The following CEPT1 variants were observed in gnomAD, a reference collection of about 807,000 sequenced individuals.
CEPT1 encodes choline/ethanolaminephosphotransferase 1.
Under a neutral mutation model 42.6 loss-of-function variants are expected in CEPT1, and 7 were observed. That is an observed-to-expected ratio of 0.16 (90% CI 0.09 to 0.31). The LOEUF is 0.31. Among genes scored for constraint, CEPT1 ranks in the 10% least tolerant of loss-of-function variants. The probability of loss-of-function intolerance (pLI) is 1.00; values close to 1 mark genes in which losing one functional copy is unlikely to be tolerated. For missense variants in CEPT1, 306 were observed against 502.1 expected (o/e 0.61, Z 3.73); for synonymous variants, 171 against 171.9 (o/e 0.99, Z 0.04).
At position 111,184,520 on chromosome 1, in the gene CEPT1, G is replaced by T; in HGVS notation, c.*210G>T. 2.5e-6 allele frequency: 1 copy of T among 398,296 alleles called. No homozygotes were observed. The highest frequency in any genetic ancestry group is 4.5e-6 in the Non-Finnish European group (1 of 223,382). The allele number at this position is 398,296 out of a possible 1,614,324, so 24.7% of individuals were successfully genotyped here. A position where few individuals can be genotyped will look rare whatever the true frequency, so the allele number is the denominator to read the frequency against. On this transcript the variant is annotated 3_prime_UTR_variant, in exon 9 of 9. Coordinates refer to ENST00000357172, the MANE Select transcript of CEPT1 (RefSeq NM_006090.5). Reference sequence around the variant, plus strand: ...TGTAAATTGTATATGTTGTCATGCAGGGTTTGGGCCAAGAAAGCATGCAGA... The same window carrying T: ...TGTAAATTGTATATGTTGTCATGCATGGTTTGGGCCAAGAAAGCATGCAGA...
chr1:111,167,796 A>G (rs998369395), intron 4 of CEPT1: 3 of 899,260 alleles, frequency 3.3e-6, no homozygotes, highest in Admixed American at 6.2e-5. Flanking sequence ...TCATGTTACT[A>G]TAGTCATTCT....
rs550834212 is a variant in CEPT1, at chr1:111,159,833, G to C, written c.487+306G>C. On this transcript the variant is annotated intron_variant, in intron 3 of 8. Transcript: ENST00000357172. ...ACTAAATGAGAGTACAGTGGTGGGA[G>C]ACTAGTTAGGTAATTTGTGGTCTTC... 4 of 195,414 alleles carry C rather than the reference G, an allele frequency of 2.0e-5. No homozygotes were observed. The South Asian group carries it at 4.1e-4, about 20-fold the overall frequency. 12.1% of individuals were successfully genotyped at this position (195,414 alleles called of 1,614,324 possible). A position where few individuals can be genotyped will look rare whatever the true frequency, so the allele number is the denominator to read the frequency against.
At position 111,146,670 on chromosome 1, in the gene CEPT1, T is replaced by A. The variant is rs189300086; in HGVS notation, c.-73-972T>A. Reference sequence around the variant, plus strand: ...TTCTGATTCATCTTGAAAATACTCTTGTATTTCCTCATGCTACTTGATTAC... The same window carrying A: ...TTCTGATTCATCTTGAAAATACTCTAGTATTTCCTCATGCTACTTGATTAC... On this transcript the variant is annotated intron_variant, in intron 1 of 8. Coordinates refer to ENST00000357172, the MANE Select transcript of CEPT1 (RefSeq NM_006090.5). Among the ~76,000 whole-genome samples, 257 of 152,338 alleles carry A rather than the reference T, an allele frequency of 1.7e-3. 2 individuals carry two copies. The highest frequency in any genetic ancestry group is 0.01 in the Middle Eastern group (3 of 294).
intron 5 of CEPT1, among the ~76,000 whole-genome samples, chr1:111,176,714 A>G (rs1656693214): frequency 1.3e-5 from 2 of 152,220 alleles, no homozygotes. Flanking sequence ...TTATTTTCAT[A>G]TACACCTTAT....
intron 5 of CEPT1, among the ~76,000 whole-genome samples, chr1:111,177,807 C>A (rs1381727289): frequency 6.6e-6 from 1 of 151,692 alleles, no homozygotes; most frequent in Non-Finnish European, 1.5e-5. Flanking sequence ...AATCTAATTT[C>A]AGGATTCATG....
intron 2 of CEPT1, among the ~76,000 whole-genome samples, chr1:111,153,739 C>T (rs944791935): frequency 1.3e-5 from 2 of 152,118 alleles, no homozygotes; most frequent in African/African-American, 4.8e-5. Flanking sequence ...ACTCTATGTT[C>T]CTGGCATCTT....
At position 111,170,433 on chromosome 1, in the gene CEPT1, GCTGT is replaced by G. The variant is rs796481647; in HGVS notation, c.630-4441_630-4438del. Reference sequence around the variant, plus strand: ...TTAATTTCAAAAATAGACTTGTCTTGCTGTCTGTTTTCCCAATTTATAACACTTG... The same window carrying G: ...TTAATTTCAAAAATAGACTTGTCTTGCTGTTTTCCCAATTTATAACACTTG... On this transcript the variant is annotated intron_variant, in intron 4 of 8. Transcript: ENST00000357172. Among the ~76,000 whole-genome samples the G allele has an allele frequency of 7.2e-5, 11 of 152,214 alleles. No individual in the cohort carries two copies. In the East Asian group the frequency reaches 1.2e-3, roughly 16 times the overall value.
intron 1 of CEPT1, among the ~76,000 whole-genome samples, 183 bp from the exon 2 acceptor site, chr1:111,147,459 A>G (rs1272112943): frequency 6.6e-6 from 1 of 152,162 alleles, no homozygotes; most frequent in African/African-American, 2.4e-5. Flanking sequence ...CTTAAAGTTG[A>G]GGTTATACAC....
chr1:111,161,787 A>G (rs1399560638), intron 4 of CEPT1, among the ~76,000 whole-genome samples: 1 of 152,180 alleles, frequency 6.6e-6, no homozygotes, highest in Non-Finnish European at 1.5e-5. Context: ...TTCACTTTCA[A>G]TACCTATTTT....
chr1:111,184,101 CTG>C, intron 8 of CEPT1, 88 bp from the exon 9 acceptor site: 1 of 1,269,960 alleles, frequency 7.9e-7, no homozygotes, highest in Non-Finnish European at 1.1e-6. Context: ...GAAGGTGAAT[CTG>C]TAGAGAGAAC....
intron 5 of CEPT1, chr1:111,178,184 A>G (rs760893557): frequency 5.9e-5 from 9 of 152,212 alleles, no homozygotes; most frequent in Non-Finnish European, 1.3e-4. Context: ...TATGAAATTT[A>G]CATCTCTTCT....
intron 5 of CEPT1, among the ~76,000 whole-genome samples, chr1:111,176,716 A>G (rs325885): frequency 6.6e-6 from 1 of 152,194 alleles, no homozygotes; most frequent in Non-Finnish European, 1.5e-5. Context: ...ATTTTCATAT[A>G]CACCTTATAC....
At chr1:111,153,180 G>C (rs568469015) in intron 2 of CEPT1, among the ~76,000 whole-genome samples, 25 of 152,014 alleles carry the variant, frequency 1.6e-4, no homozygotes, top group African/African-American at 4.8e-4. Context: ...TTACTTCTAT[G>C]AGCATTTTTT....
intron 4 of CEPT1, among the ~76,000 whole-genome samples, chr1:111,168,116 C>T (rs1016455432): frequency 1.8e-4 from 28 of 152,174 alleles, no homozygotes; most frequent in African/African-American, 6.3e-4. Context: ...TCAAGTAGTC[C>T]TCCCGCCTCA....
chr1:111,173,180 C>T (rs1378091369), intron 4 of CEPT1: 1 of 152,224 alleles, frequency 6.6e-6, no homozygotes, highest in Non-Finnish European at 1.5e-5. Context: ...CAGAATCGAT[C>T]ATCTTTGACA....
At chr1:111,179,047 G>A (rs1039490305) in intron 5 of CEPT1, 1 of 151,988 alleles carries the variant, frequency 6.6e-6, no homozygotes, top group African/African-American at 2.4e-5. Flanking sequence ...TCTCAAAATG[G>A]TACTTTTTAT....
At chr1:111,180,030 C>G (rs1034010444) in intron 5 of CEPT1, 1 of 152,150 alleles carries the variant, frequency 6.6e-6, no homozygotes, top group African/African-American at 2.4e-5. Context: ...CCTGGCTTTT[C>G]TAATGTTTGT....
At position 111,183,046 on chromosome 1, in the gene CEPT1, A is replaced by G. The variant is rs113123860; in HGVS notation, c.1005+89A>G. The G allele has an allele frequency of 4.9e-5, 66 of 1,340,004 alleles. 1 individual carries two copies. In the Admixed American group the frequency reaches 6.8e-4, roughly 14 times the overall value. The allele number at this position is 1,340,004 out of a possible 1,614,324, so 83.0% of individuals were successfully genotyped here. A position where few individuals can be genotyped will look rare whatever the true frequency, so the allele number is the denominator to read the frequency against. On this transcript the variant is annotated intron_variant, in intron 7 of 8. Transcript: ENST00000357172. ...TAGTTCTCATTCTGTAGCTTCATAA[A>G]TGGTCCTAGAGTTTGCCCTCTTCTA...
intron 1 of CEPT1, among the ~76,000 whole-genome samples, chr1:111,140,997 T>A (rs959805948): frequency 6.6e-6 from 1 of 152,222 alleles, no homozygotes; most frequent in African/African-American, 2.4e-5. Flanking sequence ...TCCAATTCAG[T>A]GCTTGGCATT....
Sources: gnomAD v4.1 joint callset for allele counts (sites outside exome capture counted in the v4.1 genomes callset) on GRCh38, gnomAD v4.1.1 for gene constraint, MANE v1.5 for transcripts, NCBI Gene and HGNC (gene_info 2026-07-23, HGNC 2026-07-21) for gene names.